The following NDUFA10 variants were observed in gnomAD, a reference collection of about 807,000 sequenced individuals.
NDUFA10 encodes NADH dehydrogenase [ubiquinone] 1 alpha subcomplex subunit 10, mitochondrial.
A neutral mutation model predicts 47.8 loss-of-function variants in NDUFA10; 40 were observed. The ratio of observed to expected loss-of-function variants is 0.84; its 90% CI spans 0.65 to 1.09. NDUFA10 has a LOEUF of 1.09. Among genes scored for constraint, NDUFA10 ranks in the 50% least tolerant of loss-of-function variants. The pLI, the probability that NDUFA10 is intolerant of heterozygous loss-of-function variation, is 0.00. For synonymous variants in NDUFA10, 183 were observed against 172.2 expected (o/e 1.06, Z -0.49); for missense variants, 413 against 451.1 (o/e 0.92, Z 0.76).
chr2:239,968,140 G>A (rs1056565825), intron 9 of NDUFA10, among the ~76,000 whole-genome samples: 16 of 152,206 alleles, frequency 1.1e-4, no homozygotes, highest in African/African-American at 3.1e-4. Context: ...TGGAATGTGG[G>A]AGAAGCCCAA....
chr2:240,019,108 C>T (rs1032242337), intron 3 of NDUFA10, among the ~76,000 whole-genome samples: 4 of 152,322 alleles, frequency 2.6e-5, no homozygotes, highest in African/African-American at 9.6e-5. Flanking sequence ...CAGCCAGCCT[C>T]CTTGCAGTCA....
At chr2:239,904,599 C>T (rs1195644150) in intron 4 of NDUFA10, among the ~76,000 whole-genome samples, 2 of 152,318 alleles carry the variant, frequency 1.3e-5, no homozygotes, top group East Asian at 1.9e-4. Context: ...CCAGCCCCTG[C>T]TTTCTTCTTG....
intron 4 of NDUFA10, among the ~76,000 whole-genome samples, chr2:239,902,906 T>G (rs945661127): frequency 2.6e-5 from 4 of 152,166 alleles, no homozygotes; most frequent in Non-Finnish European, 5.9e-5. Flanking sequence ...AGATTTGACT[T>G]GATTTTAATT....
chr2:239,975,001 C>T (rs1695463895), intron 9 of NDUFA10, among the ~76,000 whole-genome samples: 1 of 140,440 alleles, frequency 7.1e-6, no homozygotes, highest in South Asian at 2.3e-4. Flanking sequence ...AAACATGTGA[C>T]ACTCCTCCGC....
rs916324938 is a variant in NDUFA10, at chr2:239,987,447, G to A, written c.999+2627C>T. On this transcript the variant is annotated intron_variant, in intron 9 of 9. Transcript: ENST00000252711. This position sits in a 1 kb window ranked among gnomAD's most constrained non-coding sequence, Gnocchi z 4.8. ...CAGCAGTTCAAATGATCCTGACACC[G>A]AGACCACACTCGGCGAACCATCACA... 7.5e-5 allele frequency among the ~76,000 whole-genome samples: 11 copies of A among 147,610 alleles called. No homozygotes were observed. Among genetic ancestry groups the A allele is most frequent in the Admixed American group, 6.0e-4 (9 of 14,938 alleles).
chr2:239,931,831 CTTTTTTTTTT>C (rs35581568), intron 4 of NDUFA10, among the ~76,000 whole-genome samples: 2 of 90,184 alleles, frequency 2.2e-5, no homozygotes, highest in Non-Finnish European at 4.0e-5. Flanking sequence ...TGCACCTCTG[CTTTTTTTTTT>C]TTTTTTTTTT....
intron 4 of NDUFA10, among the ~76,000 whole-genome samples, chr2:239,912,430 A>G (rs1234388637): frequency 1.3e-5 from 2 of 152,214 alleles, no homozygotes; most frequent in South Asian, 2.1e-4. Flanking sequence ...GGTGCTGGCC[A>G]GACCCTGAGG....
At position 240,016,951 on chromosome 2, in the gene NDUFA10, G is replaced by C. The variant is rs937545207; in HGVS notation, c.547+1602C>G. On this transcript the variant is annotated intron_variant, in intron 4 of 9. Transcript: ENST00000252711. The surrounding 1 kb of genome is among the most constrained non-coding windows in gnomAD (Gnocchi z 4.4). ...CCCCCTTAGCGGCCCACTAGCCAGG[G>C]CAGGTCCACGCCACTCCCCACTGTG... Among the ~76,000 whole-genome samples, 8 of 152,042 alleles carry C rather than the reference G, an allele frequency of 5.3e-5. No homozygotes were observed. The highest frequency in any genetic ancestry group is 1.9e-4 in the African/African-American group (8 of 41,368).
rs1322531064 is a variant in NDUFA10, at chr2:240,016,496, G to A, written c.548-1636C>T. On this transcript the variant is annotated intron_variant, in intron 4 of 9. Coordinates refer to ENST00000252711, the MANE Select transcript of NDUFA10 (RefSeq NM_004544.4). This position sits in a 1 kb window ranked among gnomAD's most constrained non-coding sequence, Gnocchi z 4.4. ...CTTTCCCCCAGCCCAGCACTCAAAC[G>A]ACTCTGGCTAACATCACCAGCCCCC... Among the ~76,000 whole-genome samples, 2 of 152,022 alleles carry A rather than the reference G, an allele frequency of 1.3e-5. No homozygotes were observed. Among genetic ancestry groups the A allele is most frequent in the South Asian group, 2.1e-4 (1 of 4,820 alleles).
At position 239,967,368 on chromosome 2, in the gene NDUFA10, C is replaced by T. The variant is rs549047667; in HGVS notation, c.1000-6182G>A. ...CTGACTGCTTCTGTAAATGAGGCCT[C>T]ACTGGCACAACCTGGCCCATGCATT... is the stretch of plus-strand genomic sequence containing the variant. On this transcript the variant is annotated intron_variant, in intron 9 of 9. Coordinates refer to ENST00000252711, the MANE Select transcript of NDUFA10 (RefSeq NM_004544.4). 1.0e-3 allele frequency among the ~76,000 whole-genome samples: 155 copies of T among 152,264 alleles called. 1 individual carries two copies. Among genetic ancestry groups the T allele is most frequent in the African/African-American group, 3.7e-3 (154 of 41,538 alleles).
chr2:239,934,457 G>A (rs749856995), intron 4 of NDUFA10, among the ~76,000 whole-genome samples: 3 of 150,466 alleles, frequency 2.0e-5, no homozygotes, highest in Admixed American at 6.7e-5. Flanking sequence ...GGTCCTTGAC[G>A]TCTGGCTTCT....
At chr2:239,926,629 T>A (rs575342834) in intron 4 of NDUFA10, among the ~76,000 whole-genome samples, 6 of 152,022 alleles carry the variant, frequency 3.9e-5, no homozygotes, top group African/African-American at 1.2e-4. Context: ...AAAAAATAGA[T>A]ACCTGTAAAA....
At chr2:239,975,991 T>C (rs771008502) in intron 9 of NDUFA10, among the ~76,000 whole-genome samples, 10 of 152,224 alleles carry the variant, frequency 6.6e-5, no homozygotes, top group Non-Finnish European at 1.3e-4. Flanking sequence ...TCTGGGTCTC[T>C]GTTTTAAAAT....
chr2:239,902,182 T>C (rs6728144), intron 4 of NDUFA10, among the ~76,000 whole-genome samples: 20,051 of 152,128 alleles, frequency 0.13, 1,411 homozygotes, highest in African/African-American at 0.16. Context: ...TAAAATGCTA[T>C]CAAATAGAAT....
At chr2:239,964,259 G>A (rs2106398272) in intron 9 of NDUFA10, among the ~76,000 whole-genome samples, 1 of 152,248 alleles carries the variant, frequency 6.6e-6, no homozygotes, top group Non-Finnish European at 1.5e-5. Context: ...CATCACTAGG[G>A]TCCTCAGAAA....
intron 4 of NDUFA10, among the ~76,000 whole-genome samples, chr2:239,898,157 G>C (rs1209746243): frequency 2.0e-5 from 3 of 152,182 alleles, no homozygotes; most frequent in African/African-American, 7.2e-5. Context: ...AGTCAGGACT[G>C]TTCAGGGTTA....
At position 239,988,858 on chromosome 2, in the gene NDUFA10, G is replaced by GCA. The variant is rs568778795; in HGVS notation, c.999+1214_999+1215dup. ...GTACAAGGACAGAAAGGGAGACACA[G>GCA]CACACACACTCACACACGTGTACAA... On this transcript the variant is annotated intron_variant, in intron 9 of 9. Coordinates refer to ENST00000252711, the MANE Select transcript of NDUFA10 (RefSeq NM_004544.4). 2.3e-4 allele frequency among the ~76,000 whole-genome samples: 35 copies of GCA among 151,196 alleles called. No homozygotes were observed. The South Asian group carries it at 4.0e-3, about 17-fold the overall frequency.
chr2:239,895,926 G>A (rs1270524219), intron 4 of NDUFA10, among the ~76,000 whole-genome samples: 6 of 152,170 alleles, frequency 3.9e-5, no homozygotes, highest in Admixed American at 1.3e-4. Flanking sequence ...TCTTCTTTCC[G>A]TCCATGCATT....
intron 4 of NDUFA10, among the ~76,000 whole-genome samples, chr2:239,914,341 C>T (rs1469206783): frequency 6.6e-6 from 1 of 151,168 alleles, no homozygotes; most frequent in Non-Finnish European, 1.5e-5. Flanking sequence ...TACAGACACA[C>T]ACAAATATAC....
Sources: allele counts gnomAD v4.1 joint callset (sites outside exome capture counted in the v4.1 genomes callset), GRCh38; gene constraint gnomAD v4.1.1; non-coding constraint Gnocchi (gnomAD v3.1); transcripts MANE v1.5; gene names NCBI Gene and HGNC (gene_info 2026-07-23, HGNC 2026-07-21).